The following TECRL variants were observed in gnomAD, a reference collection of about 807,000 sequenced individuals.
The protein encoded by TECRL is trans-2,3-enoyl-CoA reductase like.
In TECRL, 63 loss-of-function variants were observed where a neutral mutation model predicts 52.8. That is an observed-to-expected ratio of 1.19 (90% CI 0.97 to 1.47). TECRL has a LOEUF of 1.47. Among genes scored for constraint, TECRL ranks in the 40% most tolerant of loss-of-function variants. TECRL has a pLI of 0.00. For missense variants in TECRL, 482 were observed against 429.6 expected, an observed-to-expected ratio of 1.12 and a Z score of -1.08; for synonymous variants, 164 against 141.9, an observed-to-expected ratio of 1.16 and a Z score of -1.10.
chr4:64,301,477 C>T (rs989524454), intron 7 of TECRL, among the ~76,000 whole-genome samples: 4 of 151,096 alleles, frequency 2.6e-5, no homozygotes, highest in African/African-American at 9.7e-5. Context: ...GCATGACAGG[C>T]ACTGAACTTT....
chr4:64,394,086 C>A (rs1723745860), intron 1 of TECRL, among the ~76,000 whole-genome samples: 1 of 151,820 alleles, frequency 6.6e-6, no homozygotes, highest in Non-Finnish European at 1.5e-5. Context: ...ATTTCTTGGG[C>A]AAAATAAGAT....
At position 64,280,065 on chromosome 4, in the gene TECRL, T is replaced by A. The variant is rs369830622; in HGVS notation, c.*7A>T. 3.0e-5 allele frequency: 47 copies of A among 1,587,230 alleles called. No homozygotes were observed. The African/African-American group carries it at 5.6e-4, about 19-fold the overall frequency. On this transcript the variant is annotated 3_prime_UTR_variant, in exon 12 of 12. Transcript: ENST00000381210. ...TGCTGTTTTCTATAGGAGATAAGAT[T>A]CTTTTTTTACAATATGAATGGAATC...
At chr4:64,303,725 A>G (rs1724153425) in intron 7 of TECRL, among the ~76,000 whole-genome samples, 1 of 151,860 alleles carries the variant, frequency 6.6e-6, no homozygotes, top group African/African-American at 2.4e-5. Flanking sequence ...AGGAAAAAGC[A>G]GCTTATTCTA....
Position 64,314,637 on chromosome 4 carries a change from G to A in TECRL, c.551+11C>T, listed in dbSNP as rs753325952. The A allele has an allele frequency of 1.7e-4, 174 of 1,037,650 alleles. No individual in the cohort carries two copies. The highest frequency in any genetic ancestry group is 1.2e-3 in the East Asian group (46 of 39,084). The allele number at this position is 1,037,650 out of a possible 1,614,324, so 64.3% of individuals were successfully genotyped here. A position where few individuals can be genotyped will look rare whatever the true frequency, so the allele number is the denominator to read the frequency against. On this transcript the variant is annotated intron_variant, in intron 5 of 11. Transcript: ENST00000381210. ...TGTGTGTGTGTGTGTGTGTGTGTGT[G>A]TATCACTTACTGTACCACTGGGTGG...
chr4:64,403,622 T>A (rs2109788051), intron 1 of TECRL, among the ~76,000 whole-genome samples: 1 of 151,824 alleles, frequency 6.6e-6, no homozygotes, highest in Admixed American at 6.6e-5. Context: ...CCATAAAAAA[T>A]GAATAAAAGT....
chr4:64,358,859 C>T (rs1459048407), intron 2 of TECRL, among the ~76,000 whole-genome samples: 1 of 151,702 alleles, frequency 6.6e-6, no homozygotes, highest in Non-Finnish European at 1.5e-5. Context: ...AAAGATTTAT[C>T]ACAGGAGGAA....
At chr4:64,343,593 C>G (rs1291906498) in intron 2 of TECRL, among the ~76,000 whole-genome samples, 1 of 152,038 alleles carries the variant, frequency 6.6e-6, no homozygotes, top group Non-Finnish European at 1.5e-5. Context: ...CAGACACACA[C>G]ACACACACAC....
At chr4:64,335,655 A>G (rs747259359) in intron 2 of TECRL, among the ~76,000 whole-genome samples, 5 of 152,092 alleles carry the variant, frequency 3.3e-5, no homozygotes, top group Admixed American at 6.6e-5. Context: ...TAAATCATCA[A>G]ATTCCACTCC....
chr4:64,402,905 T>C (rs1048345432), intron 1 of TECRL, among the ~76,000 whole-genome samples: 1 of 152,112 alleles, frequency 6.6e-6, no homozygotes, highest in African/African-American at 2.4e-5. Context: ...GAGTTCTCCC[T>C]AAATCACTCT....
At chr4:64,360,253 C>T (rs1261743860) in intron 2 of TECRL, among the ~76,000 whole-genome samples, 1 of 27,414 alleles carries the variant, frequency 3.6e-5, no homozygotes, top group Non-Finnish European at 1.5e-4. Flanking sequence ...GAGATACCCA[C>T]TTAATTTTTT....
intron 6 of TECRL, among the ~76,000 whole-genome samples, chr4:64,307,677 C>A (rs1308258375): frequency 6.6e-6 from 1 of 152,166 alleles, no homozygotes; most frequent in Non-Finnish European, 1.5e-5. Flanking sequence ...TCACTCTGGG[C>A]AAGCCCCAAC....
chr4:64,358,051 C>T (rs1216785010), intron 2 of TECRL, among the ~76,000 whole-genome samples: 1 of 151,120 alleles, frequency 6.6e-6, no homozygotes, highest in Non-Finnish European at 1.5e-5. Flanking sequence ...TTTCTGCTCA[C>T]CAATTATTAA....
At chr4:64,287,276 G>A (rs1411810936) in intron 9 of TECRL, among the ~76,000 whole-genome samples, 1 of 152,048 alleles carries the variant, frequency 6.6e-6, no homozygotes, top group African/African-American at 2.4e-5. Context: ...ATTATGTAAT[G>A]TGTAATAACA....
At chr4:64,392,594 AT>A (rs562685452) in intron 1 of TECRL, among the ~76,000 whole-genome samples, 9 of 151,744 alleles carry the variant, frequency 5.9e-5, no homozygotes, top group Non-Finnish European at 1.0e-4. Context: ...CTTATAAAGT[AT>A]TTTTTTTAGT....
At chr4:64,354,313 C>T (rs762067632) in intron 2 of TECRL, among the ~76,000 whole-genome samples, 2 of 151,962 alleles carry the variant, frequency 1.3e-5, no homozygotes, top group Non-Finnish European at 2.9e-5. Context: ...AATCATAGCA[C>T]AAATAGATAA....
At chr4:64,357,941 T>C (rs1378821586) in intron 2 of TECRL, among the ~76,000 whole-genome samples, 5 of 151,750 alleles carry the variant, frequency 3.3e-5, no homozygotes, top group Admixed American at 2.6e-4. Flanking sequence ...GTAAAGACCA[T>C]GAACATGTGA....
At position 64,280,171 on chromosome 4, in the gene TECRL, G is replaced by A. The variant is rs1722747173; in HGVS notation, c.993C>T (p.Ile331=). Reference sequence around the variant, plus strand: ...TCTTTTGTGCCCACAAAGACATCTGGATACTCATCAGAAGTGTAAAAATTC... The same window carrying A: ...TCTTTTGTGCCCACAAAGACATCTGAATACTCATCAGAAGTGTAAAAATTC... The part of the protein sequence containing the change: ...PVGIFTLLMS[I]QMSLWAQKKH... Residue 331 remains isoleucine (I), a synonymous_variant, in exon 12 of 12, where the codon ATC becomes ATT. Transcript: ENST00000381210. The A allele has an allele frequency of 1.9e-6, 3 of 1,592,376 alleles. No homozygotes were observed. The highest frequency in any genetic ancestry group is 2.7e-5 in the African/African-American group (2 of 73,822).
intron 1 of TECRL, among the ~76,000 whole-genome samples, chr4:64,381,264 A>C (rs1722772232): frequency 6.6e-6 from 1 of 151,900 alleles, no homozygotes; most frequent in African/African-American, 2.4e-5. Context: ...TACTGAATTT[A>C]TTTATCAGTT....
intron 8 of TECRL, among the ~76,000 whole-genome samples, chr4:64,298,332 G>A (rs1723804036): frequency 2.0e-5 from 3 of 150,868 alleles, no homozygotes; most frequent in Non-Finnish European, 4.5e-5. Context: ...TTTGCCTGGG[G>A]CTGTATGAAA....
Sources: gnomAD v4.1 joint callset for allele counts (sites outside exome capture counted in the v4.1 genomes callset) on GRCh38, gnomAD v4.1.1 for gene constraint, MANE v1.5 for transcripts, NCBI Gene and HGNC (gene_info 2026-07-23, HGNC 2026-07-21) for gene names.